Variants in AFG1L observed in about 807,000 individuals in gnomAD.
AFG1L encodes the protein AFG1 like ATPase.
AFG1L carries 53 observed loss-of-function variants against 62.2 expected under a neutral mutation model. The ratio of observed to expected loss-of-function variants is 0.85; its 90% CI spans 0.68 to 1.07. The LOEUF (loss-of-function observed/expected upper bound fraction) is 1.07. Among genes scored for constraint, AFG1L ranks in the 50% least tolerant of loss-of-function variants. AFG1L has a pLI of 0.00. For synonymous variants in AFG1L, 228 were observed against 210.3 expected (o/e 1.08, Z -0.73); for missense variants, 555 against 590.5 (o/e 0.94, Z 0.62).
At chr6:108,464,108 G>A (rs1377854411) in intron 8 of AFG1L, among the ~76,000 whole-genome samples, 1 of 152,184 alleles carries the variant, frequency 6.6e-6, no homozygotes, top group African/African-American at 2.4e-5. Context: ...TCTACTTGTT[G>A]ATACCTTAAC....
In AFG1L at chr6:108,435,112, C is replaced by T. The variant is rs542642377; in HGVS notation, c.808-12102C>T. Among the ~76,000 whole-genome samples, 13 of 152,210 alleles carry T rather than the reference C, an allele frequency of 8.5e-5. No homozygotes were observed. In the South Asian group the frequency reaches 1.7e-3, roughly 19 times the overall value. On this transcript the variant is annotated intron_variant, in intron 7 of 12. Coordinates refer to ENST00000368977, the MANE Select transcript of AFG1L (RefSeq NM_145315.5). The stretch of plus-strand genomic sequence containing the variant: ...CCAACCAAATAGTGATTAAGATGCC[C>T]GACATTGGACAAACGAGATTGGCAG...
intron 2 of AFG1L, among the ~76,000 whole-genome samples, chr6:108,345,938 ATTC>A (rs1163997585): frequency 6.6e-6 from 1 of 152,086 alleles, no homozygotes; most frequent in East Asian, 1.9e-4. Flanking sequence ...CTCCAGAAAA[ATTC>A]TTCTACTCTA....
intron 2 of AFG1L, among the ~76,000 whole-genome samples, chr6:108,333,589 A>AT: frequency 6.6e-6 from 1 of 152,224 alleles, no homozygotes; most frequent in Non-Finnish European, 1.5e-5. Context: ...TGCAAATAAT[A>AT]ATAATAATAA....
Position 108,524,302 on chromosome 6 carries a change from T to A in AFG1L, c.*1877T>A, listed in dbSNP as rs774666281. ...GGTAATTATTCTGTATCTTAATTTT[T>A]AAAAAAATCATGTGAATGGACAGAC... On this transcript the variant is annotated 3_prime_UTR_variant, in exon 13 of 13. Transcript: ENST00000368977. 5 of 152,148 alleles carry A rather than the reference T, an allele frequency of 3.3e-5. No individual in the cohort carries two copies. Among genetic ancestry groups the A allele is most frequent in the East Asian group, 1.9e-4 (1 of 5,206 alleles). 9.4% of individuals were successfully genotyped at this position (152,148 alleles called of 1,614,324 possible). A position where few individuals can be genotyped will look rare whatever the true frequency, so the allele number is the denominator to read the frequency against.
chr6:108,366,574 T>G (rs547624170), intron 6 of AFG1L, among the ~76,000 whole-genome samples: 35 of 151,420 alleles, frequency 2.3e-4, no homozygotes, highest in African/African-American at 8.2e-4. Context: ...TTTTGTTTTT[T>G]TTTTTCCCTA....
chr6:108,307,040 G>A (rs1777225439), intron 1 of AFG1L, among the ~76,000 whole-genome samples: 1 of 147,778 alleles, frequency 6.8e-6, no homozygotes, highest in Admixed American at 6.6e-5. Context: ...TTGAGATGGA[G>A]TCTTGCTCTG....
At chr6:108,411,294 C>T (rs552765831) in intron 7 of AFG1L, among the ~76,000 whole-genome samples, 1 of 152,326 alleles carries the variant, frequency 6.6e-6, no homozygotes, top group African/African-American at 2.4e-5. Context: ...CATCGCAGCT[C>T]AAGGAGGCCT....
chr6:108,331,141 G>A (rs1053721799), intron 2 of AFG1L, among the ~76,000 whole-genome samples: 24 of 151,934 alleles, frequency 1.6e-4, no homozygotes, highest in African/African-American at 4.8e-5. Flanking sequence ...AAAAAAATTA[G>A]CTAGGCATGG....
intron 1 of AFG1L, among the ~76,000 whole-genome samples, chr6:108,308,523 A>G (rs1030609365): frequency 1.5e-4 from 23 of 151,670 alleles, no homozygotes; most frequent in African/African-American, 5.1e-4. Context: ...TTTAATTTTA[A>G]TTTTTTTAGA....
At chr6:108,314,523 G>A (rs12529339) in intron 1 of AFG1L, among the ~76,000 whole-genome samples, 45,444 of 151,354 alleles carry the variant, frequency 0.3, 10,428 homozygotes, top group African/African-American at 0.63. Context: ...CAGCCTCCCT[G>A]GTAGCTGCGA....
At chr6:108,365,101 T>G (rs1442644675) in intron 5 of AFG1L, among the ~76,000 whole-genome samples, 7 of 152,160 alleles carry the variant, frequency 4.6e-5, no homozygotes, top group Admixed American at 4.6e-4. Context: ...CTATATCTTG[T>G]GGATATATGT....
Position 108,326,282 on chromosome 6 carries a change from G to A in AFG1L, c.363+2234G>A, listed in dbSNP as rs4946913. ...GAGACAGGACCTTACTCTGTTGCCA[G>A]GCTGGTCTTGAACTTCTGGTCTTAA... On this transcript the variant is annotated intron_variant, in intron 2 of 12. Coordinates refer to ENST00000368977, the MANE Select transcript of AFG1L (RefSeq NM_145315.5). 1.8e-3 allele frequency among the ~76,000 whole-genome samples: 268 copies of A among 152,192 alleles called. 5 individuals carry two copies. In the East Asian group the frequency reaches 0.047, roughly 27 times the overall value.
At chr6:108,474,670 G>A (rs772447846) in intron 8 of AFG1L, among the ~76,000 whole-genome samples, 4 of 152,130 alleles carry the variant, frequency 2.6e-5, no homozygotes, top group Non-Finnish European at 4.4e-5. Context: ...TCTGTTGGCC[G>A]CATGAATGTC....
intron 8 of AFG1L, among the ~76,000 whole-genome samples, chr6:108,450,221 G>A (rs2114757619): frequency 6.6e-6 from 1 of 152,342 alleles, no homozygotes. Context: ...CCCACCAACA[G>A]TGTAAAAGCA....
chr6:108,395,328 T>TA (rs1259543966), intron 6 of AFG1L, among the ~76,000 whole-genome samples: 2 of 151,544 alleles, frequency 1.3e-5, no homozygotes, highest in East Asian at 3.9e-4. Context: ...CCATACTTTT[T>TA]AAAAAAAATT....
intron 7 of AFG1L, among the ~76,000 whole-genome samples, chr6:108,413,593 A>C (rs781407128): frequency 6.6e-6 from 1 of 152,250 alleles, no homozygotes; most frequent in Admixed American, 6.5e-5. Flanking sequence ...CAATCAAACT[A>C]GAACTCAGGA....
chr6:108,417,292 A>C (rs1263574125), intron 7 of AFG1L, among the ~76,000 whole-genome samples: 1 of 151,078 alleles, frequency 6.6e-6, no homozygotes, highest in African/African-American at 2.4e-5. Flanking sequence ...ACACACAAAA[A>C]AAAAACGGGG....
intron 1 of AFG1L, among the ~76,000 whole-genome samples, chr6:108,311,288 TTCCC>T (rs1777396568): frequency 6.6e-6 from 1 of 152,098 alleles, no homozygotes; most frequent in African/African-American, 2.4e-5. Flanking sequence ...CCCTCCTTCC[TTCCC>T]TCCCTTTCCA....
At chr6:108,333,367 C>T (rs1046577771) in intron 2 of AFG1L, among the ~76,000 whole-genome samples, 2 of 151,774 alleles carry the variant, frequency 1.3e-5, no homozygotes, top group Non-Finnish European at 2.9e-5. Context: ...GTGATATCCG[C>T]CACTGCACTC....
Sources: allele counts gnomAD v4.1 joint callset (sites outside exome capture counted in the v4.1 genomes callset), GRCh38; gene constraint gnomAD v4.1.1; transcripts MANE v1.5; gene names NCBI Gene and HGNC (gene_info 2026-07-23, HGNC 2026-07-21).